The following PDE4D variants were observed in gnomAD, a reference collection of about 807,000 sequenced individuals.
The protein encoded by PDE4D is 3',5'-cyclic-AMP phosphodiesterase 4D.
PDE4D carries 24 observed loss-of-function variants against 87.4 expected under a neutral mutation model. The ratio of observed to expected loss-of-function variants is 0.27; its 90% CI spans 0.20 to 0.39. The LOEUF (loss-of-function observed/expected upper bound fraction) is 0.39, where lower values mean the gene tolerates loss of function less well. Among genes scored for constraint, PDE4D ranks in the 10% least tolerant of loss-of-function variants. The pLI is 1.00. For synonymous variants in PDE4D, 384 were observed against 383.2 expected, an observed-to-expected ratio of 1.00 and a Z score of -0.02; for missense variants, 714 against 1,041.0, an observed-to-expected ratio of 0.69 and a Z score of 4.32.
intron 1 of PDE4D, among the ~76,000 whole-genome samples, chr5:59,351,079 G>A (rs1439191453): frequency 6.6e-6 from 1 of 152,220 alleles, no homozygotes; most frequent in Non-Finnish European, 1.5e-5. Flanking sequence ...AAATGTTAGT[G>A]AAGACTTGGA....
At chr5:59,627,940 T>A (rs1290861220) in intron 1 of PDE4D, among the ~76,000 whole-genome samples, 1 of 152,196 alleles carries the variant, frequency 6.6e-6, no homozygotes, top group Non-Finnish European at 1.5e-5. Context: ...GTAAGGGATA[T>A]CTCAGTTCAT....
intron 5 of PDE4D, among the ~76,000 whole-genome samples, chr5:59,102,857 G>C (rs952419010): frequency 6.6e-6 from 1 of 152,118 alleles, no homozygotes; most frequent in Non-Finnish European, 1.5e-5. Flanking sequence ...GAAGACACTT[G>C]GTCAGTATAT....
intron 1 of PDE4D, chr5:59,587,130 G>T: frequency 2.6e-6 from 1 of 389,400 alleles, no homozygotes; most frequent in Non-Finnish European, 3.5e-6. Flanking sequence ...ATTCATTTCT[G>T]CTGCCTAACC....
chr5:59,443,678 A>G (rs1797962507), intron 1 of PDE4D, among the ~76,000 whole-genome samples: 1 of 152,246 alleles, frequency 6.6e-6, no homozygotes, highest in African/African-American at 2.4e-5. Context: ...CAGATGGTAC[A>G]ACCATATTTT....
chr5:59,917,410 T>G (rs1017000768), intron 3 of PDE4D, among the ~76,000 whole-genome samples: 1 of 152,108 alleles, frequency 6.6e-6, no homozygotes. Flanking sequence ...GAAAAGAACT[T>G]TGCAGGGCAC....
Position 59,193,386 on chromosome 5 carries a change from G to T in PDE4D, c.684+114C>A, listed in dbSNP as rs983296559. On this transcript the variant is annotated intron_variant, in intron 3 of 14. Coordinates refer to ENST00000340635, the MANE Select transcript of PDE4D (RefSeq NM_001104631.2). ...AATTGCTTGAATGAACCAAGAATTT[G>T]TATTTGTACTTGTGCTTGATTTAAA... 15 of 987,568 alleles carry T rather than the reference G, an allele frequency of 1.5e-5. No individual in the cohort carries two copies. In the Middle Eastern group the frequency reaches 6.2e-4, roughly 41 times the overall value. The allele number at this position is 987,568 out of a possible 1,614,324, so 61.2% of individuals were successfully genotyped here.
chr5:60,132,992 G>A (rs1177819091), intron 2 of PDE4D, among the ~76,000 whole-genome samples: 2 of 152,174 alleles, frequency 1.3e-5, no homozygotes, highest in African/African-American at 4.8e-5. Flanking sequence ...CCAAACCATA[G>A]TGTAGTCCAT....
At chr5:59,194,558 G>A (rs1029027587) in intron 2 of PDE4D, among the ~76,000 whole-genome samples, 5 of 152,106 alleles carry the variant, frequency 3.3e-5, no homozygotes, top group African/African-American at 9.7e-5. Flanking sequence ...TGCTGTGGTC[G>A]TCATCAAACC....
chr5:60,249,974 A>G (rs535287437), intron 1 of PDE4D, among the ~76,000 whole-genome samples: 1 of 152,100 alleles, frequency 6.6e-6, no homozygotes, highest in South Asian at 2.1e-4. Context: ...ATTTCTACTA[A>G]TATGACCTTT....
At chr5:59,999,505 C>T (rs1221367142) in intron 2 of PDE4D, among the ~76,000 whole-genome samples, 3 of 115,348 alleles carry the variant, frequency 2.6e-5, no homozygotes, top group African/African-American at 1.0e-4. Context: ...CACACAAATT[C>T]AAAGAAGATG....
At chr5:59,249,437 T>C (rs1759493270) in intron 1 of PDE4D, among the ~76,000 whole-genome samples, 1 of 152,182 alleles carries the variant, frequency 6.6e-6, no homozygotes, top group Non-Finnish European at 1.5e-5. Flanking sequence ...AGTCATATTC[T>C]TTGACATAGT....
chr5:60,102,225 GTTTT>G (rs574204879), intron 2 of PDE4D, among the ~76,000 whole-genome samples: 1 of 151,842 alleles, frequency 6.6e-6, no homozygotes, highest in Non-Finnish European at 1.5e-5. Flanking sequence ...GTTTTGTTTT[GTTTT>G]TTGTTTTTTT....
chr5:59,503,391 G>A (rs1033514351), intron 1 of PDE4D, among the ~76,000 whole-genome samples: 6 of 152,154 alleles, frequency 3.9e-5, no homozygotes, highest in African/African-American at 1.4e-4. Flanking sequence ...CTCACTGCTG[G>A]TTCACAGCAA....
chr5:59,515,195 T>C (rs968832938), intron 1 of PDE4D, among the ~76,000 whole-genome samples: 4 of 152,242 alleles, frequency 2.6e-5, no homozygotes, highest in African/African-American at 9.6e-5. Flanking sequence ...CTAATCTTGA[T>C]GGTGAAATGT....
chr5:59,157,420 T>C (rs944324192), intron 5 of PDE4D: 2 of 700,868 alleles, frequency 2.9e-6, no homozygotes, highest in Admixed American at 4.0e-5. Flanking sequence ...AAACAGGTGC[T>C]GTGGTTACTG....
chr5:58,982,220 G>A (rs1561227944), intron 11 of PDE4D, among the ~76,000 whole-genome samples: 1 of 152,138 alleles, frequency 6.6e-6, no homozygotes, highest in Non-Finnish European at 1.5e-5. Flanking sequence ...CTGGTTATGC[G>A]AGAAATAGCA....
intron 1 of PDE4D, among the ~76,000 whole-genome samples, chr5:59,724,631 G>A (rs1207722267): frequency 6.6e-6 from 1 of 152,008 alleles, no homozygotes; most frequent in East Asian, 1.9e-4. Context: ...TGCTTTTATT[G>A]GCTTGTCCAC....
intron 1 of PDE4D, among the ~76,000 whole-genome samples, chr5:59,304,142 AT>A (rs1275088999): frequency 3.3e-5 from 5 of 150,844 alleles, no homozygotes; most frequent in Admixed American, 6.6e-5. Context: ...ATTTTATTTT[AT>A]TTTTTTTACA....
At chr5:59,068,899 A>G (rs900439421) in intron 5 of PDE4D, among the ~76,000 whole-genome samples, 1 of 152,142 alleles carries the variant, frequency 6.6e-6, no homozygotes, top group African/African-American at 2.4e-5. Flanking sequence ...ATCAAATTGT[A>G]ATTATTATAA....
Sources: gnomAD v4.1 joint callset for allele counts (sites outside exome capture counted in the v4.1 genomes callset) on GRCh38, gnomAD v4.1.1 for gene constraint, MANE v1.5 for transcripts, NCBI Gene and HGNC (gene_info 2026-07-23, HGNC 2026-07-21) for gene names.